POLRMT: variants seen among roughly 807,000 people sequenced by gnomAD.
The protein encoded by POLRMT is DNA-directed RNA polymerase, mitochondrial.
In POLRMT, 114 loss-of-function variants were observed where a neutral mutation model predicts 132.2. The observed-to-expected ratio is 0.86, with a 90% CI of 0.74 to 1.01. POLRMT has a LOEUF of 1.01. Ranked by LOEUF, POLRMT falls within the 50% of genes least tolerant of loss-of-function variation. The pLI is 0.00. For missense variants in POLRMT, 2,003 were observed against 1,729.1 expected, an observed-to-expected ratio of 1.16 and a Z score of -2.81; for synonymous variants, 1,020 against 773.4, an observed-to-expected ratio of 1.32 and a Z score of -5.29.
intron 15 of POLRMT, 54 bp from the exon 16 acceptor site, chr19:618,814 T>G: frequency 6.5e-7 from 1 of 1,531,694 alleles, no homozygotes; most frequent in South Asian, 1.2e-5. Flanking sequence ...ACGGTGGTGG[T>G]ACATTGAGGT....
chr19:620,287 G>T, intron 11 of POLRMT, 78 bp downstream of exon 11: 1 of 1,472,356 alleles, frequency 6.8e-7, no homozygotes, highest in Admixed American at 2.4e-5. Context: ...GAGCGAAGGT[G>T]AAATCTCACA....
At chr19:625,321 G>T (rs1159938675) in intron 3 of POLRMT, 67 bp from the exon 4 acceptor site, 2 of 1,593,964 alleles carry the variant, frequency 1.3e-6, no homozygotes, top group Non-Finnish European at 1.7e-6. Flanking sequence ...CCTGCTCCCT[G>T]GAGACCCCTT....
At chr19:625,470 T>C (rs915867464) in intron 3 of POLRMT, 2 of 555,742 alleles carry the variant, frequency 3.6e-6, no homozygotes, top group Non-Finnish European at 6.2e-6. Context: ...GGTGGGACTG[T>C]GGGAGGTTCA....
chr19:617,727 G>C, intron 18 of POLRMT, 50 bp downstream of exon 18: 2 of 1,611,292 alleles, frequency 1.2e-6, no homozygotes, highest in South Asian at 2.2e-5. Context: ...CAACGCCCCA[G>C]TGTGGGGGCC....
rs779094438 is a variant in POLRMT at position 619,239 on chromosome 19, C to T, written c.3124G>A (p.Glu1042Lys). 5 of 1,609,466 alleles carry T rather than the reference C, an allele frequency of 3.1e-6. No homozygotes were observed. Among genetic ancestry groups the T allele is most frequent in the African/African-American group, 1.3e-5 (1 of 74,120 alleles). Residue 1042 changes from glutamate to lysine, a missense_variant, in exon 14 of 21, where the codon GAG (glutamate) becomes AAG (lysine). Transcript: ENST00000588649. ...LVRQVFKSLQ[E>K]MFSGTRAIQH... is the part of the protein sequence containing the mutation. ...ATGGCCCGGGTCCCCGAGAACATCT[C>T]CTGTAGACTCTTGAAGACCTGGCGT... is the stretch of plus-strand genomic sequence containing the variant.
chr19:620,181 C>A, intron 11 of POLRMT, 101 bp from the exon 12 acceptor site: 1 of 1,488,466 alleles, frequency 6.7e-7, no homozygotes, highest in Non-Finnish European at 9.0e-7. Flanking sequence ...GGCCGTGCAC[C>A]CCCCAGCCAA....
chr19:620,129 G>A (rs1339959903), intron 11 of POLRMT, 49 bp from the exon 12 acceptor site: 3 of 1,529,942 alleles, frequency 2.0e-6, no homozygotes, highest in East Asian at 2.5e-5. Context: ...AGGCAGAGAC[G>A]TGTGGGACCC....
rs748707391 is a variant in POLRMT, at chr19:622,826, G to A, written c.1450C>T (p.Leu484=). 4.4e-6 allele frequency: 7 copies of A among 1,593,246 alleles called. No individual in the cohort carries two copies. In the African/African-American group the frequency reaches 6.7e-5, roughly 15 times the overall value. Residue 484 remains leucine, a synonymous_variant, in exon 7 of 21, where the codon CTG becomes TTG. Coordinates refer to ENST00000588649, the MANE Select transcript of POLRMT (RefSeq NM_005035.4). ...LDEREVVRML[L]QVLQALPAQG... is the part of the protein sequence containing the mutation. The stretch of plus-strand genomic sequence containing the variant: ...CCGCGCGGAGGAAGACGCACCTGCA[G>A]GAGCATCCGCACCACCTCGCGCTCG...
chr19:617,915 T>G, intron 17 of POLRMT, 66 bp from the exon 18 acceptor site: 1 of 1,476,512 alleles, frequency 6.8e-7, no homozygotes, highest in East Asian at 2.3e-5. Flanking sequence ...ACCAGCATCC[T>G]GGCCCTGCGC....
chr19:632,990 C>T (rs1427476419), intron 1 of POLRMT, 52 bp from the exon 2 acceptor site: 1 of 1,334,028 alleles, frequency 7.5e-7, no homozygotes, highest in African/African-American at 1.5e-5. Flanking sequence ...GGGCGGGGGC[C>T]TCCATAAAGG....
At chr19:631,229 G>C (rs1190859372) in intron 2 of POLRMT, among the ~76,000 whole-genome samples, 2 of 151,690 alleles carry the variant, frequency 1.3e-5, no homozygotes, top group Non-Finnish European at 2.9e-5. Flanking sequence ...TCCGGTGGCT[G>C]AGGTGAAAGA....
At chr19:622,528 G>C (rs1470817935) in intron 8 of POLRMT, 54 bp downstream of exon 8, 3 of 1,529,652 alleles carry the variant, frequency 2.0e-6, no homozygotes, top group Non-Finnish European at 2.6e-6. Flanking sequence ...CAGGGAGGGA[G>C]AGCGCCCACC....
chr19:622,866 G>A lies in POLRMT; in HGVS notation c.1410C>T (p.Phe470=). The change falls in exon 7 of 21, where the codon TTC becomes TTT. Residue 470 remains phenylalanine, a synonymous_variant. Coordinates refer to ENST00000588649, the MANE Select transcript of POLRMT (RefSeq NM_005035.4). ...VYEGRFSLYP[F]LCLLDEREVV... ...CCTCGCGCTCGTCCAGCAGGCACAGGAAGGGGTAAAGTGAGAACCGGCCCT... is the reference window on the plus strand; with the variant it reads ...CCTCGCGCTCGTCCAGCAGGCACAGAAAGGGGTAAAGTGAGAACCGGCCCT... 6.2e-7 allele frequency: 1 copy of A among 1,608,926 alleles called. No homozygotes were observed. The highest frequency in any genetic ancestry group is 1.1e-5 in the South Asian group (1 of 90,290).
At chr19:622,079 C>A in intron 9 of POLRMT, 70 bp downstream of exon 9, 1 of 1,397,234 alleles carries the variant, frequency 7.2e-7, no homozygotes, top group Non-Finnish European at 9.6e-7. Flanking sequence ...CGCCCAAAGG[C>A]GCCAACCCCA....
At chr19:630,236 C>T (rs1032602276) in intron 2 of POLRMT, 68 bp from the exon 3 acceptor site, 65 of 1,505,282 alleles carry the variant, frequency 4.3e-5, no homozygotes, top group Non-Finnish European at 5.0e-5. Flanking sequence ...TCTCTCTGGA[C>T]CCTGAGCCAG....
chr19:632,685 G>A (rs1985510534), intron 2 of POLRMT, 149 bp downstream of exon 2: 1 of 619,846 alleles, frequency 1.6e-6, no homozygotes, highest in East Asian at 3.2e-5. Context: ...CGGTGCAAGA[G>A]ATGTTTCAGC....
intron 12 of POLRMT, 86 bp from the exon 13 acceptor site, chr19:619,851 C>T: frequency 6.4e-7 from 1 of 1,562,224 alleles, no homozygotes; most frequent in Non-Finnish European, 8.7e-7. Context: ...CCGCCCCAGC[C>T]CCACCACATC....
chr19:624,100 A>T (rs779190876), intron 5 of POLRMT, among the ~76,000 whole-genome samples: 4 of 152,258 alleles, frequency 2.6e-5, no homozygotes, highest in Non-Finnish European at 5.9e-5. Flanking sequence ...TAAACGGACG[A>T]ACAGACGGGC....
At chr19:618,429 G>A in intron 17 of POLRMT, 59 bp downstream of exon 17, 1 of 1,358,808 alleles carries the variant, frequency 7.4e-7, no homozygotes, top group Non-Finnish European at 1.0e-6. Context: ...GCTGTGCCCT[G>A]CTAGCCAGAA....
Sources: allele counts gnomAD v4.1 joint callset (sites outside exome capture counted in the v4.1 genomes callset), GRCh38; gene constraint gnomAD v4.1.1; transcripts MANE v1.5; gene names NCBI Gene and HGNC (gene_info 2026-07-23, HGNC 2026-07-21).